Variants in CYTH1 observed in about 807,000 individuals in gnomAD.
CYTH1 encodes cytohesin-1.
A neutral mutation model predicts 61.8 loss-of-function variants in CYTH1; 18 were observed. The ratio of observed to expected loss-of-function variants is 0.29; its 90% CI spans 0.20 to 0.43. The LOEUF (loss-of-function observed/expected upper bound fraction) is 0.43. CYTH1 is among the 20% of genes least tolerant of loss of function. CYTH1 has a pLI of 1.00. For missense variants in CYTH1, 336 were observed against 510.5 expected, an observed-to-expected ratio of 0.66 and a Z score of 3.29; for synonymous variants, 174 against 184.3, an observed-to-expected ratio of 0.94 and a Z score of 0.45.
At chr17:78,734,130 G>A (rs1230236107) in intron 1 of CYTH1, among the ~76,000 whole-genome samples, 4 of 151,900 alleles carry the variant, frequency 2.6e-5, no homozygotes, top group Admixed American at 6.5e-5. Context: ...TGCACCTGCA[G>A]TCCCAGCTAC....
intron 1 of CYTH1, among the ~76,000 whole-genome samples, chr17:78,747,608 C>A (rs1228838021): frequency 6.6e-6 from 1 of 152,224 alleles, no homozygotes; most frequent in Non-Finnish European, 1.5e-5. Flanking sequence ...CCCTGACAAC[C>A]ACTAATCTAC....
At chr17:78,720,475 C>T (rs995955825) in intron 1 of CYTH1, among the ~76,000 whole-genome samples, 19 of 152,216 alleles carry the variant, frequency 1.2e-4, no homozygotes, top group African/African-American at 4.3e-4. Context: ...CCTGCCACCA[C>T]GCCCAGCTAA....
intron 1 of CYTH1, among the ~76,000 whole-genome samples, chr17:78,777,889 C>G (rs1567889525): frequency 1.3e-5 from 2 of 151,320 alleles, no homozygotes. Flanking sequence ...GGCTGATTCA[C>G]AAAACGTTAC....
At chr17:78,736,624 A>C (rs895746719) in intron 1 of CYTH1, 1 of 258,754 alleles carries the variant, frequency 3.9e-6, no homozygotes, top group Non-Finnish European at 8.8e-6. Flanking sequence ...GAAAAGAGAT[A>C]CCTAAAACTC....
chr17:78,698,767 G>A, intron 8 of CYTH1, 53 bp downstream of exon 8: 4 of 1,521,020 alleles, frequency 2.6e-6, no homozygotes, highest in Non-Finnish European at 2.6e-6. Flanking sequence ...AGACGATCCT[G>A]TTCCCAGTGA....
At position 78,701,694 on chromosome 17, in the gene CYTH1, A is replaced by G. The variant is rs746050843; in HGVS notation, c.414T>C (p.Asp138=). The G allele has an allele frequency of 4.3e-6, 7 of 1,614,110 alleles. No homozygotes were observed. Among genetic ancestry groups the G allele is most frequent in the African/African-American group, 1.3e-5 (1 of 74,920 alleles). The part of the protein sequence containing the change: ...HAFVELHEFT[D]LNLVQALRQF... ...ACCGTAGTGCCTGGACGAGATTAAG[A>G]TCAGTGAACTCATGCAGCTCCACAA... The change falls in exon 6 of 14, where the codon GAT becomes GAC. Residue 138 remains aspartate, a synonymous_variant. Transcript: ENST00000446868.
rs564313643 is a variant in CYTH1 at position 78,769,157 on chromosome 17, A to C, written c.22+13045T>G. 3.9e-5 allele frequency among the ~76,000 whole-genome samples: 6 copies of C among 152,148 alleles called. No individual in the cohort carries two copies. In the East Asian group the frequency reaches 1.2e-3, roughly 29 times the overall value. On this transcript the variant is annotated intron_variant, in intron 1 of 13. Coordinates refer to ENST00000446868, the MANE Select transcript of CYTH1 (RefSeq NM_004762.6). ...CAAGACTATGTCTCAAAAAAAAAAA[A>C]AGCAAAATAATCAGCATAAAATATC...
chr17:78,682,276 C>A (rs1195573337), intron 11 of CYTH1, among the ~76,000 whole-genome samples: 1 of 152,136 alleles, frequency 6.6e-6, no homozygotes, highest in South Asian at 2.1e-4. Flanking sequence ...ATTTATATTT[C>A]TGTGACCTTA....
Position 78,709,646 on chromosome 17 carries a change from C to G in CYTH1, c.105+4G>C. The stretch of plus-strand genomic sequence containing the variant: ...TTGGTGAAACCACCATGCCACTCTC[C>G]TACCTGAATGTCAGCCAGCAGCTCC... On this transcript the variant is annotated splice_donor_region_variant and intron_variant, in intron 2 of 13. Transcript: ENST00000446868. The G allele has an allele frequency of 6.2e-7, 1 of 1,614,200 alleles. No individual in the cohort carries two copies. Among genetic ancestry groups the G allele is most frequent in the Middle Eastern group, 1.7e-4 (1 of 6,060 alleles).
At chr17:78,765,814 A>AT (rs900778138) in intron 1 of CYTH1, among the ~76,000 whole-genome samples, 5 of 151,994 alleles carry the variant, frequency 3.3e-5, no homozygotes, top group South Asian at 2.1e-4. Flanking sequence ...TCACAACTTG[A>AT]TTTTTTTTAA....
intron 1 of CYTH1, among the ~76,000 whole-genome samples, chr17:78,756,979 CT>C (rs1014223113): frequency 7.1e-6 from 1 of 141,478 alleles, no homozygotes; most frequent in African/African-American, 2.6e-5. Context: ...GAATTTTTTT[CT>C]TTTTTTTCTT....
intron 3 of CYTH1, among the ~76,000 whole-genome samples, 190 bp from the exon 4 acceptor site, chr17:78,702,794 C>T (rs1035650363): frequency 4.6e-5 from 7 of 152,178 alleles, no homozygotes; most frequent in Non-Finnish European, 1.0e-4. Flanking sequence ...GCTCCAAGCT[C>T]ATTTGCTCCT....
intron 1 of CYTH1, among the ~76,000 whole-genome samples, chr17:78,777,346 A>C (rs2093496633): frequency 6.6e-6 from 1 of 152,058 alleles, no homozygotes; most frequent in Non-Finnish European, 1.5e-5. Flanking sequence ...TGAACCCAGG[A>C]GGCAGAGCTG....
chr17:78,731,498 G>A lies in CYTH1; in HGVS notation c.23-21766C>T, dbSNP rs147280325. ...AATCTCGTCGGGCGCGGTGGTTCAC[G>A]CCTGTAATCCCAGCACTTTGGGAGG... is the stretch of plus-strand genomic sequence containing the variant. On this transcript the variant is annotated intron_variant, in intron 1 of 13. Transcript: ENST00000446868. Among the ~76,000 whole-genome samples, 970 of 152,146 alleles carry A rather than the reference G, an allele frequency of 6.4e-3. 7 individuals carry two copies. Among genetic ancestry groups the A allele is most frequent in the Non-Finnish European group, 0.01 (698 of 67,986 alleles).
At chr17:78,746,507 C>T (rs1009545639) in intron 1 of CYTH1, among the ~76,000 whole-genome samples, 1 of 151,008 alleles carries the variant, frequency 6.6e-6, no homozygotes, top group African/African-American at 2.5e-5. Flanking sequence ...TTCCTACTTC[C>T]TCTGTCTTCC....
chr17:78,745,487 C>T (rs867954780), intron 1 of CYTH1, among the ~76,000 whole-genome samples: 3 of 152,166 alleles, frequency 2.0e-5, no homozygotes, highest in South Asian at 4.1e-4. Context: ...TAGTTTTAAA[C>T]GCCCTTTAAA....
intron 1 of CYTH1, among the ~76,000 whole-genome samples, chr17:78,781,979 C>A (rs1254375698): frequency 2.7e-5 from 4 of 150,338 alleles, no homozygotes; most frequent in African/African-American, 9.8e-5. Flanking sequence ...CCCTCAGCGC[C>A]GCCAGCGACC....
intron 13 of CYTH1, chr17:78,676,742 G>A (rs2092703826): frequency 2.1e-5 from 7 of 339,230 alleles, no homozygotes; most frequent in South Asian, 6.7e-5. Context: ...CTGGGTCTCC[G>A]GTGCACAGGG....
chr17:78,777,297 T>C (rs1218213977), intron 1 of CYTH1, among the ~76,000 whole-genome samples: 1 of 151,514 alleles, frequency 6.6e-6, no homozygotes, highest in African/African-American at 2.4e-5. Flanking sequence ...CGGGTGCCTG[T>C]AGTCCCAGCT....
Sources: gnomAD v4.1 joint callset for allele counts (sites outside exome capture counted in the v4.1 genomes callset) on GRCh38, gnomAD v4.1.1 for gene constraint, MANE v1.5 for transcripts, NCBI Gene and HGNC (gene_info 2026-07-23, HGNC 2026-07-21) for gene names.